The following MISP variants were observed in gnomAD, a reference collection of about 807,000 sequenced individuals.
MISP encodes the protein mitotic spindle positioning.
Under a neutral mutation model 49.3 loss-of-function variants are expected in MISP, and 51 were observed. That is an observed-to-expected ratio of 1.03 (90% CI 0.83 to 1.31). The LOEUF (loss-of-function observed/expected upper bound fraction) is 1.31, where lower values mean the gene tolerates loss of function less well. MISP is among the 50% of genes most tolerant of loss of function. MISP has a pLI of 0.00. For missense variants in MISP, 1,084 were observed against 935.1 expected (o/e 1.16, Z -2.08); for synonymous variants, 444 against 392.6 (o/e 1.13, Z -1.55).
In MISP at chr19:758,254, A is replaced by G. The variant is rs1568243330; in HGVS notation, c.1308A>G (p.Leu436=). ...ACCTGAGCCCCGGGACCCCCCAGCT[A>G]GAATTCTCAGCCTTCGGAGCATTCG... The part of the protein sequence containing the change: ...QPYLSPGTPQ[L]EFSAFGAFGK... The change falls in exon 2 of 5, where the codon CTA becomes CTG. Residue 436 remains leucine, a synonymous_variant. Transcript: ENST00000215582. 8.7e-6 allele frequency: 14 copies of G among 1,613,612 alleles called. No homozygotes were observed. Among genetic ancestry groups the G allele is most frequent in the Non-Finnish European group, 1.1e-5 (13 of 1,180,016 alleles).
At position 758,439 on chromosome 19, in the gene MISP, T is replaced by C; in HGVS notation, c.1493T>C (p.Val498Ala). The change falls in exon 2 of 5, where the codon GTC becomes GCC. Residue 498 changes from valine to alanine, a missense_variant. By Grantham distance (64) the Val-to-Ala change is moderately conservative (BLOSUM62 0). Coordinates refer to ENST00000215582, the MANE Select transcript of MISP (RefSeq NM_173481.4). ...PRGCPQANRG[V>A]VRWEYFRLRP... is the part of the protein sequence containing the mutation. ...GGATGCCCGCAAGCCAACAGGGGTG[T>C]CGTGCGGTGGGAGTACTTCCGCCTG... is the stretch of plus-strand genomic sequence containing the variant. 3 of 1,614,162 alleles carry C rather than the reference T, an allele frequency of 1.9e-6. No individual in the cohort carries two copies. The highest frequency in any genetic ancestry group is 2.5e-6 in the Non-Finnish European group (3 of 1,180,032).
At chr19:756,062 G>A (rs1158626616) in intron 1 of MISP, among the ~76,000 whole-genome samples, 1 of 152,164 alleles carries the variant, frequency 6.6e-6, no homozygotes, top group Admixed American at 6.5e-5. Flanking sequence ...AGTTGTTGGG[G>A]TAGTAACCGG....
intron 1 of MISP, 94 bp from the exon 2 acceptor site, chr19:756,796 A>C: frequency 1.5e-6 from 1 of 660,506 alleles, no homozygotes; most frequent in Non-Finnish European, 2.6e-6. Flanking sequence ...CACAAAGGCC[A>C]TTTGATGGAC....
chr19:760,780 C>T (rs2033660893), intron 3 of MISP, among the ~76,000 whole-genome samples: 1 of 151,598 alleles, frequency 6.6e-6, no homozygotes, highest in Admixed American at 6.6e-5. Flanking sequence ...GAGGGAGAGA[C>T]GGAGGGATGT....
At chr19:753,371 C>A (rs28583240) in intron 1 of MISP, among the ~76,000 whole-genome samples, 2 of 149,048 alleles carry the variant, frequency 1.3e-5, no homozygotes, top group Non-Finnish European at 3.0e-5. Context: ...CTAAGTTTTT[C>A]TTTTTTTTTC....
intron 1 of MISP, among the ~76,000 whole-genome samples, chr19:756,230 C>T (rs563950824): frequency 2.0e-5 from 3 of 152,152 alleles, no homozygotes; most frequent in Non-Finnish European, 4.4e-5. Flanking sequence ...ACAAGACCAG[C>T]GGGAAGAGGG....
At chr19:762,113 ATT>A (rs34855086) in intron 4 of MISP, among the ~76,000 whole-genome samples, 25 of 142,192 alleles carry the variant, frequency 1.8e-4, no homozygotes, top group Admixed American at 3.5e-4. Context: ...ACGCCCGGCT[ATT>A]TTTTTTTTTT....
intron 4 of MISP, among the ~76,000 whole-genome samples, chr19:762,104 C>T (rs1328042437): frequency 2.7e-4 from 35 of 128,460 alleles, no homozygotes; most frequent in African/African-American, 1.0e-3. Context: ...CCCACCACCA[C>T]GCCCGGCTAT....
chr19:759,873 A>G lies in MISP; in HGVS notation c.1781-36A>G, dbSNP rs2033644010. On this transcript the variant is annotated intron_variant, in intron 2 of 4. Coordinates refer to ENST00000215582, the MANE Select transcript of MISP (RefSeq NM_173481.4). ...TGTCTCCCGAGCAGAGGTCTGACAA[A>G]TGTTCTAATGTTCTGCCCTCCCTGC... 3.1e-6 allele frequency: 5 copies of G among 1,612,250 alleles called. No individual in the cohort carries two copies. In the East Asian group the frequency reaches 1.1e-4, roughly 36 times the overall value.
chr19:753,195 G>A (rs762956808), intron 1 of MISP, among the ~76,000 whole-genome samples: 1 of 152,124 alleles, frequency 6.6e-6, no homozygotes, highest in Admixed American at 6.6e-5. Flanking sequence ...GTTTGTGTGG[G>A]ATTTATTCAC....
At position 757,061 on chromosome 19, in the gene MISP, G is replaced by A. The variant is rs1300291517; in HGVS notation, c.115G>A (p.Glu39Lys). 1.3e-5 allele frequency: 21 copies of A among 1,611,536 alleles called. No individual in the cohort carries two copies. Among genetic ancestry groups the A allele is most frequent in the East Asian group, 6.7e-5 (3 of 44,756 alleles). The change falls in exon 2 of 5, where the codon GAG becomes AAG. Residue 39 changes from glutamate (E) to lysine (K), a missense_variant. Physicochemically the swap from Glu to Lys is moderately conservative, Grantham distance 56. Coordinates refer to ENST00000215582, the MANE Select transcript of MISP (RefSeq NM_173481.4). The part of the protein sequence containing the change: ...YTYHLVCMGP[E>K]ASGWGQDEPQ... ...ATACCATCTGGTGTGCATGGGCCCCGAGGCCAGCGGCTGGGGCCAGGATGA... is the reference window on the plus strand; with the variant it reads ...ATACCATCTGGTGTGCATGGGCCCCAAGGCCAGCGGCTGGGGCCAGGATGA...
chr19:758,492 G>A lies in MISP; in HGVS notation c.1546G>A (p.Glu516Lys), dbSNP rs760535146. 5.6e-6 allele frequency: 9 copies of A among 1,613,982 alleles called. No individual in the cohort carries two copies. The highest frequency in any genetic ancestry group is 1.6e-4 in the Middle Eastern group (1 of 6,078). Reference sequence around the variant, plus strand: ...TCCTCTGCGGTTCAGGGCCCCAGACGAGCCCCAGCAGGCCCAAGTCCCCCA... The same window carrying A: ...TCCTCTGCGGTTCAGGGCCCCAGACAAGCCCCAGCAGGCCCAAGTCCCCCA... Reference protein sequence around the residue: ...LRPLRFRAPDEPQQAQVPHVW... With the variant: ...LRPLRFRAPDKPQQAQVPHVW... Residue 516 changes from glutamate (E) to lysine (K), a missense_variant, in exon 2 of 5, where the codon GAG (glutamate) becomes AAG (lysine). By Grantham distance (56) the Glu-to-Lys change is moderately conservative. Coordinates refer to ENST00000215582, the MANE Select transcript of MISP (RefSeq NM_173481.4).
At chr19:750,695 G>C (rs2033448325), upstream of MISP, among the ~76,000 whole-genome samples, 1 of 152,188 alleles carries the variant, frequency 6.6e-6, no homozygotes, top group Non-Finnish European at 1.5e-5. Context: ...GGGCCATCTA[G>C]GGGAGTTGCC....
chr19:755,915 A>G (rs1330107882), intron 1 of MISP, among the ~76,000 whole-genome samples: 2 of 151,410 alleles, frequency 1.3e-5, no homozygotes, highest in Non-Finnish European at 2.9e-5. Context: ...GCTGGGCAAC[A>G]GAGCGAGACT....
Position 758,401 on chromosome 19 carries a change from G to A in MISP, c.1455G>A (p.Ser485=), listed in dbSNP as rs756295838. 14 of 1,614,062 alleles carry A rather than the reference G, an allele frequency of 8.7e-6. No homozygotes were observed. In the East Asian group the frequency reaches 1.6e-4, roughly 18 times the overall value. ...GKPLSTKQEA[S]KPPRGCPQAN... ...CCCTGAGCACAAAGCAAGAGGCATC[G>A]AAGCCCCCTCGGGGATGCCCGCAAG... Residue 485 remains serine (S), a synonymous_variant, in exon 2 of 5, where the codon TCG becomes TCA. Coordinates refer to ENST00000215582, the MANE Select transcript of MISP (RefSeq NM_173481.4).
rs1886846069 is a variant in MISP, at chr19:760,040, G to A, written c.1911+1G>A. On this transcript the variant is annotated splice_donor_variant, in intron 3 of 4. Transcript: ENST00000215582. LOFTEE classifies it high-confidence loss of function. Reference sequence around the variant, plus strand: ...CGGGCAGAGAAAGAAGGAGCAATGGGTGAGTCTGGAACCCGTCTCTGCAGA... The same window carrying A: ...CGGGCAGAGAAAGAAGGAGCAATGGATGAGTCTGGAACCCGTCTCTGCAGA... The A allele has an allele frequency of 6.2e-7, 1 of 1,613,544 alleles. No individual in the cohort carries two copies. The highest frequency in any genetic ancestry group is 1.3e-5 in the African/African-American group (1 of 74,852).
intron 1 of MISP, among the ~76,000 whole-genome samples, chr19:753,380 T>G (rs28497242): frequency 6.6e-6 from 1 of 150,694 alleles, no homozygotes; most frequent in African/African-American, 2.5e-5. Flanking sequence ...TCTTTTTTTT[T>G]CTTTTTTTCT....
intron 1 of MISP, among the ~76,000 whole-genome samples, 160 bp downstream of exon 1, chr19:751,331 G>A (rs867777295): frequency 6.6e-6 from 1 of 152,086 alleles, no homozygotes; most frequent in Non-Finnish European, 1.5e-5. Context: ...CGTCACCCTC[G>A]GAGCCTCCCT....
chr19:758,830 G>A, intron 2 of MISP, 104 bp downstream of exon 2: 1 of 907,854 alleles, frequency 1.1e-6, no homozygotes, highest in Non-Finnish European at 1.7e-6. Flanking sequence ...GGCTGGGGTT[G>A]GGGAGACATT....
Sources: gnomAD v4.1 joint callset for allele counts (sites outside exome capture counted in the v4.1 genomes callset) on GRCh38, gnomAD v4.1.1 for gene constraint, MANE v1.5 for transcripts, NCBI Gene and HGNC (gene_info 2026-07-23, HGNC 2026-07-21) for gene names.